Variants in POLR1A observed in about 807,000 individuals in gnomAD.
POLR1A encodes the protein RNA polymerase I subunit A.
In POLR1A, 84 loss-of-function variants were observed where a neutral mutation model predicts 205.3. That is an observed-to-expected ratio of 0.41 (90% CI 0.34 to 0.49). The LOEUF (loss-of-function observed/expected upper bound fraction) is 0.49. POLR1A is among the 20% of genes least tolerant of loss of function. The pLI, the probability that POLR1A is intolerant of heterozygous loss-of-function variation, is 0.22. For missense variants in POLR1A, 1,645 were observed against 2,204.5 expected, an observed-to-expected ratio of 0.75 and a Z score of 5.08; for synonymous variants, 799 against 863.7, an observed-to-expected ratio of 0.93 and a Z score of 1.31.
intron 27 of POLR1A, among the ~76,000 whole-genome samples, chr2:86,038,451 C>T (rs770383626): frequency 6.6e-6 from 1 of 152,182 alleles, no homozygotes; most frequent in Non-Finnish European, 1.5e-5. Context: ...ACAATCCTGA[C>T]GTCAACCCAA....
At chr2:86,087,306 A>T (rs1673519338) in intron 6 of POLR1A, among the ~76,000 whole-genome samples, 1 of 152,272 alleles carries the variant, frequency 6.6e-6, no homozygotes, top group Non-Finnish European at 1.5e-5. Context: ...TGTAAAACAT[A>T]CATCATGCAT....
In POLR1A at chr2:86,033,922, A is replaced by T. The variant is rs141674877; in HGVS notation, c.4035-135T>A. 4 of 1,081,718 alleles carry T rather than the reference A, an allele frequency of 3.7e-6. No homozygotes were observed. The African/African-American group carries it at 6.4e-5, about 17-fold the overall frequency. 67.0% of individuals were successfully genotyped at this position (1,081,718 alleles called of 1,614,324 possible). On this transcript the variant is annotated intron_variant, in intron 27 of 33. Coordinates refer to ENST00000263857, the MANE Select transcript of POLR1A (RefSeq NM_015425.6). ...GATGGAGGCCCAGCCTCTCCTAGCC[A>T]CTCACTTGTCCCTACCCGCTGTTTT...
intron 3 of POLR1A, among the ~76,000 whole-genome samples, chr2:86,090,612 G>A (rs10187150): frequency 0.37 from 56,338 of 152,152 alleles, 12,885 homozygotes; most frequent in Non-Finnish European, 0.51. Context: ...AGCCACATGC[G>A]CTGATGCAGG....
chr2:86,073,282 G>A (rs1673212991), intron 12 of POLR1A, among the ~76,000 whole-genome samples: 1 of 151,994 alleles, frequency 6.6e-6, no homozygotes, highest in East Asian at 1.9e-4. Flanking sequence ...ACCTGCTTCT[G>A]TAAATAAAGT....
chr2:86,058,954 A>G (rs926181554), intron 14 of POLR1A, among the ~76,000 whole-genome samples: 12 of 144,710 alleles, frequency 8.3e-5, no homozygotes, highest in Non-Finnish European at 1.6e-5. Context: ...CCAGCTCTAC[A>G]ATAATAATAA....
At chr2:86,064,987 C>A (rs567159923) in intron 14 of POLR1A, among the ~76,000 whole-genome samples, 1 of 152,074 alleles carries the variant, frequency 6.6e-6, no homozygotes, top group African/African-American at 2.4e-5. Context: ...GTTAGCCAGG[C>A]TGGTCTCAAA....
rs143465128 is a variant in POLR1A at position 86,024,036 on chromosome 2, C to CCTGGA, written c.*3386_*3387insTCCAG. The CCTGGA allele has an allele frequency of 0.025, 3,738 of 152,508 alleles. 134 individuals are homozygous for CCTGGA. Among genetic ancestry groups the CCTGGA allele is most frequent in the African/African-American group, 0.081 (3,382 of 41,528 alleles). 9.4% of individuals were successfully genotyped at this position (152,508 alleles called of 1,614,324 possible). ...CGTATTGGGATTACAGGTGTGAACG[C>CCTGGA]CTGGCCTGGCCTCAGATATCTGTAT... On this transcript the variant is annotated 3_prime_UTR_variant, in exon 34 of 34. Transcript: ENST00000263857.
chr2:86,094,645 C>G (rs969198877), intron 3 of POLR1A, among the ~76,000 whole-genome samples: 1 of 152,218 alleles, frequency 6.6e-6, no homozygotes, highest in African/African-American at 2.4e-5. Flanking sequence ...ACTTTACACC[C>G]GAACTTTTAA....
At chr2:86,040,970 A>G (rs1266684567) in intron 24 of POLR1A, among the ~76,000 whole-genome samples, 1 of 152,232 alleles carries the variant, frequency 6.6e-6, no homozygotes, top group African/African-American at 2.4e-5. Context: ...AAAATTAGAA[A>G]GAGGTTCACT....
In POLR1A at chr2:86,058,953, C is replaced by CAAT. The variant is rs200645599; in HGVS notation, c.2059-4667_2059-4665dup. ...GCAACACAGTGAAACACCAGCTCTACAATAATAATAATAATAATAATAAAA... is the reference window on the plus strand; with the variant it reads ...GCAACACAGTGAAACACCAGCTCTACAATAATAATAATAATAATAATAATAAAA... On this transcript the variant is annotated intron_variant, in intron 14 of 33. Transcript: ENST00000263857. 3.9e-3 allele frequency among the ~76,000 whole-genome samples: 596 copies of CAAT among 151,152 alleles called. 10 individuals are homozygous for CAAT. The East Asian group carries it at 0.058, about 15-fold the overall frequency.
intron 14 of POLR1A, among the ~76,000 whole-genome samples, chr2:86,055,967 G>C (rs1672887374): frequency 6.6e-6 from 1 of 152,206 alleles, no homozygotes; most frequent in Non-Finnish European, 1.5e-5. Flanking sequence ...AAGACATCCA[G>C]ATTAGAGAGA....
In POLR1A at chr2:86,030,205, C is replaced by A. The variant is rs1272043167; in HGVS notation, c.4770G>T (p.Lys1590Asn). 6.2e-7 allele frequency: 1 copy of A among 1,613,980 alleles called. No homozygotes were observed. The highest frequency in any genetic ancestry group is 8.5e-7 in the Non-Finnish European group (1 of 1,179,790). Reference protein sequence around the residue: ...TEGINLPELFKYAEVLDLRRL... With the variant: ...TEGINLPELFNYAEVLDLRRL... ...AGACAGCCTGTCTTACCTCTGCATA[C>A]TTGAATAGCTCTGGGAGGTTGATTC... Residue 1590 changes from lysine (K) to asparagine (N), a missense_variant, in exon 31 of 34, where the codon AAG becomes AAT. Lys to Asn is a moderately conservative substitution (Grantham distance 94, BLOSUM62 0). This residue lies in a region of POLR1A where 394 missense variants were observed against 468.5 expected (regional missense o/e 0.84). Coordinates refer to ENST00000263857, the MANE Select transcript of POLR1A (RefSeq NM_015425.6).
intron 14 of POLR1A, among the ~76,000 whole-genome samples, chr2:86,057,393 T>C (rs1204232118): frequency 4.6e-5 from 7 of 152,292 alleles, no homozygotes; most frequent in Middle Eastern, 3.4e-3. Flanking sequence ...ATTTGAAAAA[T>C]AGTTTGCAAG....
At chr2:86,030,595 C>G (rs1672368730) in intron 30 of POLR1A, among the ~76,000 whole-genome samples, 199 bp from the exon 31 acceptor site, 1 of 152,154 alleles carries the variant, frequency 6.6e-6, no homozygotes, top group Non-Finnish European at 1.5e-5. Context: ...CCCCCAGATT[C>G]AGGGGGAAAC....
chr2:86,077,677 T>C (rs145704729), intron 11 of POLR1A, among the ~76,000 whole-genome samples, 182 bp downstream of exon 11: 91 of 152,224 alleles, frequency 6.0e-4, no homozygotes, highest in Non-Finnish European at 1.0e-3. Flanking sequence ...GTCACCTCCT[T>C]GTGGGCTGTC....
In POLR1A at chr2:86,044,300, T is replaced by C. The variant is rs977229991; in HGVS notation, c.2974A>G (p.Ile992Val). ...ACCAGCCCCTCTAGGTGCTTGATGA[T>C]GCACCTGTAAGGACACCATCGGCTC... The part of the protein sequence containing the change: ...TSRSGYLQRC[I>V]IKHLEGLVVQ... Residue 992 changes from isoleucine to valine, a missense_variant, in exon 22 of 34, where the codon ATC (isoleucine) becomes GTC (valine). Around this residue, in one of 16 missense-constraint regions of POLR1A, gnomAD observed 17 missense variants for 25.0 expected, o/e 0.68. Coordinates refer to ENST00000263857, the MANE Select transcript of POLR1A (RefSeq NM_015425.6). The C allele has an allele frequency of 6.8e-6, 11 of 1,614,036 alleles. No individual in the cohort carries two copies. Among genetic ancestry groups the C allele is most frequent in the Admixed American group, 1.7e-5 (1 of 60,000 alleles).
chr2:86,047,172 G>A lies in POLR1A; in HGVS notation c.2726C>T (p.Thr909Met), dbSNP rs1292826530. The A allele has an allele frequency of 4.3e-6, 7 of 1,612,906 alleles. No individual in the cohort carries two copies. Among genetic ancestry groups the A allele is most frequent in the East Asian group, 2.2e-5 (1 of 44,880 alleles). The change falls in exon 19 of 34, where the codon ACG (threonine) becomes ATG (methionine). Residue 909 changes from threonine (T) to methionine (M), a missense_variant. Thr to Met is a moderately conservative substitution (Grantham distance 81, BLOSUM62 -1). This residue lies in a region of POLR1A where 339 missense variants were observed against 415.1 expected (regional missense o/e 0.82). Transcript: ENST00000263857. ...QSGAKGSTVNTMQISCLLGQI... is the reference protein window; with the variant it reads ...QSGAKGSTVNMMQISCLLGQI... Reference sequence around the variant, plus strand: ...ACCCGCCTCTGCACATACCTGCATCGTGTTCACAGTTGAACCTTTGGCTCC... The same window carrying A: ...ACCCGCCTCTGCACATACCTGCATCATGTTCACAGTTGAACCTTTGGCTCC...
chr2:86,085,725 T>G (rs982744611), intron 6 of POLR1A, among the ~76,000 whole-genome samples: 2 of 152,212 alleles, frequency 1.3e-5, no homozygotes, highest in Non-Finnish European at 2.9e-5. Context: ...TCTCCTCACA[T>G]GCGCTGCATC....
At position 86,099,858 on chromosome 2, in the gene POLR1A, C is replaced by T. The variant is rs373672778; in HGVS notation, c.282+110G>A. ...AAAATCTCATTCTACAGAATGCTTT[C>T]ATTGGAGTGCCTGGGGCTTAACCTC... On this transcript the variant is annotated intron_variant, in intron 2 of 33. Coordinates refer to ENST00000263857, the MANE Select transcript of POLR1A (RefSeq NM_015425.6). 69 of 811,878 alleles carry T rather than the reference C, an allele frequency of 8.5e-5. 3 individuals are homozygous for T. Among genetic ancestry groups the T allele is most frequent in the East Asian group, 5.7e-4 (22 of 38,934 alleles). The allele number at this position is 811,878 out of a possible 1,614,324, so 50.3% of individuals were successfully genotyped here.
Sources: gnomAD v4.1 joint callset for allele counts (sites outside exome capture counted in the v4.1 genomes callset) on GRCh38, gnomAD v4.1.1 for gene constraint, gnomAD v4.1.1 regional missense constraint, MANE v1.5 for transcripts, NCBI Gene and HGNC (gene_info 2026-07-23, HGNC 2026-07-21) for gene names.